The following PTPRD variants were observed in gnomAD, a reference collection of about 807,000 sequenced individuals.
PTPRD encodes protein tyrosine phosphatase receptor type D, also known as receptor-type tyrosine-protein phosphatase delta.
A neutral mutation model predicts 214.5 loss-of-function variants in PTPRD; 34 were observed. The ratio of observed to expected loss-of-function variants is 0.16; its 90% CI spans 0.12 to 0.21. The LOEUF (loss-of-function observed/expected upper bound fraction) is 0.21, where lower values mean the gene tolerates loss of function less well. PTPRD is among the 10% of genes least tolerant of loss of function. The pLI, the probability that PTPRD is intolerant of heterozygous loss-of-function variation, is 1.00. For missense variants in PTPRD, 2,545 were observed against 2,398.7 expected, an observed-to-expected ratio of 1.06 and a Z score of -1.27; for synonymous variants, 1,128 against 845.7, an observed-to-expected ratio of 1.33 and a Z score of -5.79.
intron 11 of PTPRD, among the ~76,000 whole-genome samples, chr9:8,955,693 A>G (rs903720529): frequency 6.6e-6 from 1 of 151,766 alleles, no homozygotes; most frequent in African/African-American, 2.4e-5. Context: ...GAAGTCTTTA[A>G]AATTCTTTGT....
chr9:9,192,252 T>G (rs537998412), intron 9 of PTPRD, among the ~76,000 whole-genome samples: 2 of 151,986 alleles, frequency 1.3e-5, no homozygotes, highest in Non-Finnish European at 2.9e-5. Flanking sequence ...AAAAAAATTA[T>G]AAAGTGTTGG....
intron 14 of PTPRD, among the ~76,000 whole-genome samples, chr9:8,532,588 T>C (rs904345090): frequency 3.0e-4 from 45 of 152,106 alleles, no homozygotes; most frequent in African/African-American, 1.1e-3. Context: ...CATTTTGTCC[T>C]ATTCATTAAT....
chr9:9,807,334 C>G (rs745438415), intron 5 of PTPRD, among the ~76,000 whole-genome samples: 1 of 152,088 alleles, frequency 6.6e-6, no homozygotes, highest in Non-Finnish European at 1.5e-5. Context: ...TTAACACATG[C>G]AAGCACACTT....
rs545943108 is a variant in PTPRD, at chr9:10,432,194, C to A, written c.-599-91177G>T. Among the ~76,000 whole-genome samples, 480 of 148,678 alleles carry A rather than the reference C, an allele frequency of 3.2e-3. 4 individuals carry two copies. The highest frequency in any genetic ancestry group is 0.011 in the African/African-American group (460 of 40,304). ...AGTAAACTATCGCAAGAACAAAAAA[C>A]CAAACACCGCATATTCTCACTCATA... is the stretch of plus-strand genomic sequence containing the variant. On this transcript the variant is annotated intron_variant, in intron 2 of 45. Transcript: ENST00000381196.
intron 8 of PTPRD, among the ~76,000 whole-genome samples, chr9:9,477,316 C>T (rs73644727): frequency 0.51 from 77,294 of 151,868 alleles, 19,752 homozygotes; most frequent in East Asian, 0.68. Flanking sequence ...TGATATCACC[C>T]ATTGAGATTA....
intron 3 of PTPRD, among the ~76,000 whole-genome samples, chr9:10,073,368 G>C (rs758128608): frequency 2.0e-5 from 3 of 151,934 alleles, no homozygotes; most frequent in Non-Finnish European, 4.4e-5. Context: ...AAAAGCAAAG[G>C]AAATTTCACA....
rs1461254756 is a variant in PTPRD, at chr9:8,618,586, A to T, written c.352+14731T>A. Among the ~76,000 whole-genome samples the T allele has an allele frequency of 5.3e-5, 8 of 152,084 alleles. No homozygotes were observed. In the East Asian group the frequency reaches 1.5e-3, roughly 29 times the overall value. On this transcript the variant is annotated intron_variant, in intron 14 of 45. Coordinates refer to ENST00000381196, the MANE Select transcript of PTPRD (RefSeq NM_002839.4). ...AGAGGTTTCAAAGAGAAAGCCATGG[A>T]GTCATAAAACACCAAGACAACTCAG...
At chr9:9,115,039 G>C (rs74785075) in intron 10 of PTPRD, among the ~76,000 whole-genome samples, 2,783 of 152,164 alleles carry the variant, frequency 0.018, 52 homozygotes, top group East Asian at 0.07. Flanking sequence ...ACAAAGCTTG[G>C]GTGGCTGTCC....
chr9:10,084,385 G>A (rs952265445), intron 3 of PTPRD, among the ~76,000 whole-genome samples: 2 of 151,960 alleles, frequency 1.3e-5, no homozygotes, highest in Non-Finnish European at 2.9e-5. Context: ...TAAATTGTGA[G>A]AAGAACTGAA....
intron 7 of PTPRD, among the ~76,000 whole-genome samples, chr9:9,710,961 C>T (rs929086004): frequency 6.6e-6 from 1 of 151,722 alleles, no homozygotes; most frequent in Non-Finnish European, 1.5e-5. Context: ...TGAGAGCGAG[C>T]GAGCGAGAGA....
At chr9:9,114,977 C>G (rs1279735296) in intron 10 of PTPRD, among the ~76,000 whole-genome samples, 1 of 152,082 alleles carries the variant, frequency 6.6e-6, no homozygotes, top group Non-Finnish European at 1.5e-5. Context: ...TGGTTATCTA[C>G]ATTTCATGGT....
intron 2 of PTPRD, among the ~76,000 whole-genome samples, chr9:10,366,893 A>G (rs2097527059): frequency 6.6e-6 from 1 of 152,154 alleles, no homozygotes; most frequent in East Asian, 1.9e-4. Flanking sequence ...AGTATAGACT[A>G]TTAATTTTTG....
intron 7 of PTPRD, among the ~76,000 whole-genome samples, chr9:9,624,941 G>A (rs1405484389): frequency 6.6e-6 from 1 of 151,832 alleles, no homozygotes; most frequent in Non-Finnish European, 1.5e-5. Flanking sequence ...TTTAACATTT[G>A]GTCAACACAA....
intron 11 of PTPRD, chr9:8,936,181 T>C (rs1320815305): frequency 6.6e-6 from 1 of 151,712 alleles, no homozygotes; most frequent in Non-Finnish European, 1.5e-5. Flanking sequence ...GTGACTGAGG[T>C]AAGTGGATCG....
chr9:9,863,713 G>A (rs915934585), intron 5 of PTPRD, among the ~76,000 whole-genome samples: 32 of 151,950 alleles, frequency 2.1e-4, no homozygotes, highest in African/African-American at 7.7e-4. Context: ...TATTGGAGAT[G>A]AAAAGAGACA....
intron 12 of PTPRD, among the ~76,000 whole-genome samples, chr9:8,639,728 T>C (rs998866591): frequency 3.3e-5 from 5 of 152,182 alleles, no homozygotes; most frequent in African/African-American, 1.2e-4. Flanking sequence ...TCTGTCCTGT[T>C]GCCATGTAAG....
At chr9:8,407,510 C>T (rs1030935977) in intron 35 of PTPRD, among the ~76,000 whole-genome samples, 4 of 152,136 alleles carry the variant, frequency 2.6e-5, no homozygotes, top group Admixed American at 1.3e-4. Context: ...CAGCTGGTAA[C>T]GACTAAGCCA....
At chr9:9,038,616 T>G (rs1396570228) in intron 10 of PTPRD, among the ~76,000 whole-genome samples, 1 of 147,948 alleles carries the variant, frequency 6.8e-6, no homozygotes, top group Non-Finnish European at 1.5e-5. Context: ...AAATCAGTGG[T>G]GTGATCTTGG....
At chr9:8,832,477 G>T (rs1231666394) in intron 11 of PTPRD, among the ~76,000 whole-genome samples, 2 of 137,094 alleles carry the variant, frequency 1.5e-5, no homozygotes, top group African/African-American at 5.6e-5. Flanking sequence ...AATAGGCAAT[G>T]AATTACAAGT....
Sources: allele counts gnomAD v4.1 joint callset (sites outside exome capture counted in the v4.1 genomes callset), GRCh38; gene constraint gnomAD v4.1.1; transcripts MANE v1.5; gene names NCBI Gene and HGNC (gene_info 2026-07-23, HGNC 2026-07-21).